LZTS3: variants seen among roughly 807,000 people sequenced by gnomAD.
The protein encoded by LZTS3 is leucine zipper tumor suppressor family member 3.
A neutral mutation model predicts 50.9 loss-of-function variants in LZTS3; 16 were observed. That is an observed-to-expected ratio of 0.31 (90% confidence interval 0.21 to 0.48). The LOEUF is 0.48. LZTS3 is among the 20% of genes least tolerant of loss of function. The pLI is 0.99. For synonymous variants in LZTS3, 408 were observed against 410.6 expected (o/e 0.99, Z 0.08); for missense variants, 816 against 931.0 (o/e 0.88, Z 1.61).
Position 3,165,516 on chromosome 20 carries a change from A to C in LZTS3, c.1304T>G (p.Ile435Arg), listed in dbSNP as rs2066799718. 1 of 1,553,150 alleles carries C rather than the reference A, an allele frequency of 6.4e-7. No homozygotes were observed. The highest frequency in any genetic ancestry group is 8.7e-7 in the Non-Finnish European group (1 of 1,155,328). Residue 435 changes from isoleucine to arginine, a missense_variant, in exon 4 of 5, where the codon ATA becomes AGA. This residue lies in a region of LZTS3 where 700 missense variants were observed against 769.4 expected (regional missense o/e 0.91). Coordinates refer to ENST00000337576, the MANE Select transcript of LZTS3 (RefSeq NM_001365618.1). This position sits in a 1 kb window ranked among gnomAD's most constrained non-coding sequence, Gnocchi z 5.0. ...QKEQADFLPR[I>R]EETKWEVCQK... ...CCGCACCTCCCACTTAGTTTCCTCTATCCGGGGCAGGAAGTCGGCCTGCTC... is the reference window on the plus strand; with the variant it reads ...CCGCACCTCCCACTTAGTTTCCTCTCTCCGGGGCAGGAAGTCGGCCTGCTC...
intron 1 of LZTS3, among the ~76,000 whole-genome samples, chr20:3,169,436 A>C (rs1435448907): frequency 6.6e-6 from 1 of 152,214 alleles, no homozygotes; most frequent in African/African-American, 2.4e-5. Flanking sequence ...AGAACTGGCA[A>C]AATTTCATAC....
chr20:3,165,702 C>G lies in LZTS3; in HGVS notation c.1118G>C (p.Gly373Ala). The G allele has an allele frequency of 6.4e-7, 1 of 1,570,836 alleles. No homozygotes were observed. Among genetic ancestry groups the G allele is most frequent in the Non-Finnish European group, 8.6e-7 (1 of 1,167,012 alleles). The change falls in exon 4 of 5, where the codon GGG (glycine) becomes GCG (alanine). Residue 373 changes from glycine (G) to alanine (A), a missense_variant. This residue lies in a region of LZTS3 where 700 missense variants were observed against 769.4 expected (regional missense o/e 0.91). Coordinates refer to ENST00000337576, the MANE Select transcript of LZTS3 (RefSeq NM_001365618.1). The surrounding 1 kb of genome is among the most constrained non-coding windows in gnomAD (Gnocchi z 5.0). ...ELAELRQGCS[G>A]KLQQVARRAQ... is the part of the protein sequence containing the mutation. Reference sequence around the variant, plus strand: ...ACGTCGGGCCACCTGCTGTAGCTTCCCGCTGCAGCCCTGCCGCAGCTCGGC... The same window carrying G: ...ACGTCGGGCCACCTGCTGTAGCTTCGCGCTGCAGCCCTGCCGCAGCTCGGC...
rs754564656 is a variant in LZTS3 at position 3,165,563 on chromosome 20, G to C, written c.1257C>G (p.Asp419Glu). 6.3e-7 allele frequency: 1 copy of C among 1,591,190 alleles called. No individual in the cohort carries two copies. Among genetic ancestry groups the C allele is most frequent in the Admixed American group, 1.7e-5 (1 of 59,534 alleles). The change falls in exon 4 of 5, where the codon GAC becomes GAG. Residue 419 changes from aspartate to glutamate, a missense_variant. This residue lies in a region of LZTS3 where 700 missense variants were observed against 769.4 expected (regional missense o/e 0.91). Coordinates refer to ENST00000337576, the MANE Select transcript of LZTS3 (RefSeq NM_001365618.1). The surrounding 1 kb of genome is among the most constrained non-coding windows in gnomAD (Gnocchi z 5.0). ...GCTCCTTCTGGCAGGCGGCCACCTT[G>C]TCCTCCAGCTCTTCCCGCTGCCGCA... The part of the protein sequence containing the change: ...RLMRQREELE[D>E]KVAACQKEQA...
At position 3,165,399 on chromosome 20, in the gene LZTS3, C is replaced by A. The variant is rs1453387113; in HGVS notation, c.1323+98G>T. The A allele has an allele frequency of 1.1e-5, 14 of 1,270,634 alleles. 1 individual carries two copies. In the South Asian group the frequency reaches 1.5e-4, roughly 13 times the overall value. 78.7% of individuals were successfully genotyped at this position (1,270,634 alleles called of 1,614,324 possible). On this transcript the variant is annotated intron_variant, in intron 4 of 4. Transcript: ENST00000337576. This position sits in a 1 kb window ranked among gnomAD's most constrained non-coding sequence, Gnocchi z 5.0. ...TCCCCCCTGCTCCTTTCATCCCCCCCCCCATCCCACCGTTATGATAGTGAG... is the reference window on the plus strand; with the variant it reads ...TCCCCCCTGCTCCTTTCATCCCCCCACCCATCCCACCGTTATGATAGTGAG...
Position 3,164,357 on chromosome 20 carries a change from T to G in LZTS3, c.*97A>C. On this transcript the variant is annotated 3_prime_UTR_variant, in exon 5 of 5. Coordinates refer to ENST00000337576, the MANE Select transcript of LZTS3 (RefSeq NM_001365618.1). ...TTAGAGAACCTCTTTGGTCTGGGGT[T>G]ATGGGGTCTATGGGGAAGAGAGATG... is the stretch of plus-strand genomic sequence containing the variant. 7.6e-7 allele frequency: 1 copy of G among 1,317,930 alleles called. No homozygotes were observed. The highest frequency in any genetic ancestry group is 2.7e-5 in the East Asian group (1 of 37,132). 81.6% of individuals were successfully genotyped at this position (1,317,930 alleles called of 1,614,324 possible). A position where few individuals can be genotyped will look rare whatever the true frequency, so the allele number is the denominator to read the frequency against.
intron 1 of LZTS3, among the ~76,000 whole-genome samples, chr20:3,173,037 G>A (rs908878479): frequency 1.3e-5 from 2 of 150,858 alleles, no homozygotes; most frequent in East Asian, 2.0e-4. Context: ...GCGCACACAC[G>A]AGCTTCTGCT....
chr20:3,172,006 T>G (rs996829562), intron 1 of LZTS3, among the ~76,000 whole-genome samples: 1 of 152,152 alleles, frequency 6.6e-6, no homozygotes, highest in Admixed American at 6.5e-5. Context: ...CTAGGAACAC[T>G]TGGGGTCTCA....
At chr20:3,169,879 TAAAAAA>T (rs34415260) in intron 1 of LZTS3, among the ~76,000 whole-genome samples, 5 of 62,482 alleles carry the variant, frequency 8.0e-5, no homozygotes, top group Non-Finnish European at 5.4e-5. Flanking sequence ...ACTCTTTCCT[TAAAAAA>T]AAAAAAAAAA....
At position 3,166,934 on chromosome 20, in the gene LZTS3, C is replaced by G; in HGVS notation, c.230G>C (p.Gly77Ala). 5 of 1,609,232 alleles carry G rather than the reference C, an allele frequency of 3.1e-6. No homozygotes were observed. The highest frequency in any genetic ancestry group is 4.2e-6 in the Non-Finnish European group (5 of 1,179,734). The part of the protein sequence containing the change: ...SFPGPRGSGS[G>A]ASRERPGRYP... ...GCGGCCCGGCCTCTCCCTGCTGGCC[C>G]CACTGCCACTGCCTCGGGGGCCAGG... The change falls in exon 3 of 5, where the codon GGG becomes GCG. Residue 77 changes from glycine (G) to alanine (A), a missense_variant. Gly to Ala is a moderately conservative substitution (Grantham distance 60, BLOSUM62 0). Coordinates refer to ENST00000337576, the MANE Select transcript of LZTS3 (RefSeq NM_001365618.1).
rs2066782946 is a variant in LZTS3 at position 3,164,780 on chromosome 20, C to T, written c.1696G>A (p.Gly566Arg). The T allele has an allele frequency of 6.6e-7, 1 of 1,526,384 alleles. No homozygotes were observed. The highest frequency in any genetic ancestry group is 8.8e-7 in the Non-Finnish European group (1 of 1,139,426). The allele number at this position is 1,526,384 out of a possible 1,614,324, so 94.6% of individuals were successfully genotyped here. A position where few individuals can be genotyped will look rare whatever the true frequency, so the allele number is the denominator to read the frequency against. The change falls in exon 5 of 5, where the codon GGG (glycine) becomes AGG (arginine). Residue 566 changes from glycine to arginine, a missense_variant. Gly to Arg is a moderately radical substitution (Grantham distance 125). Around this residue, in one of 3 missense-constraint regions of LZTS3, gnomAD observed 9 missense variants for 31.2 expected, o/e 0.29. Coordinates refer to ENST00000337576, the MANE Select transcript of LZTS3 (RefSeq NM_001365618.1). Reference protein sequence around the residue: ...VSVDGEAEAGGESGTRALRRE... With the variant: ...VSVDGEAEAGRESGTRALRRE... ...CGCAGGGCCCGCGTCCCGCTCTCCC[C>T]GCCAGCCTCCGCCTCCCCGTCCACG...
At position 3,165,011 on chromosome 20, in the gene LZTS3, C is replaced by G; in HGVS notation, c.1465G>C (p.Glu489Gln). 1 of 1,558,528 alleles carries G rather than the reference C, an allele frequency of 6.4e-7. No homozygotes were observed. The highest frequency in any genetic ancestry group is 8.7e-7 in the Non-Finnish European group (1 of 1,153,618). The change falls in exon 5 of 5, where the codon GAG (glutamate) becomes CAG (glutamine). Residue 489 changes from glutamate (E) to glutamine (Q), a missense_variant. Physicochemically the swap from Glu to Gln is conservative, Grantham distance 29. This residue lies in a region of LZTS3 where 700 missense variants were observed against 769.4 expected (regional missense o/e 0.91). Coordinates refer to ENST00000337576, the MANE Select transcript of LZTS3 (RefSeq NM_001365618.1). This position sits in a 1 kb window ranked among gnomAD's most constrained non-coding sequence, Gnocchi z 5.0. ...GAGTCCCGCAGGCTGAGCAGCTGCT[C>G]CTCCTTCTCCCGCAGCGAAGCCCGG... ...EGRASLREKE[E>Q]QLLSLRDSFS...
At chr20:3,166,681 G>A (rs769104805) in intron 3 of LZTS3, 24 bp downstream of exon 3, 15 of 1,599,872 alleles carry the variant, frequency 9.4e-6, no homozygotes, top group Non-Finnish European at 1.3e-5. Flanking sequence ...AAGGCTGTGA[G>A]GGTCTCAGGC....
Position 3,164,343 on chromosome 20 carries a change from C to G in LZTS3, c.*111G>C. ...CTGGTCACAGCTGCTTAGAGAACCTCTTTGGTCTGGGGTTATGGGGTCTAT... is the reference window on the plus strand; with the variant it reads ...CTGGTCACAGCTGCTTAGAGAACCTGTTTGGTCTGGGGTTATGGGGTCTAT... On this transcript the variant is annotated 3_prime_UTR_variant, in exon 5 of 5. Transcript: ENST00000337576. 1 of 1,219,964 alleles carries G rather than the reference C, an allele frequency of 8.2e-7. No homozygotes were observed. The highest frequency in any genetic ancestry group is 1.1e-6 in the Non-Finnish European group (1 of 904,126). 75.6% of individuals were successfully genotyped at this position (1,219,964 alleles called of 1,614,324 possible). A position where few individuals can be genotyped will look rare whatever the true frequency, so the allele number is the denominator to read the frequency against.
chr20:3,171,896 T>C (rs1357563977), intron 1 of LZTS3, among the ~76,000 whole-genome samples: 2 of 152,174 alleles, frequency 1.3e-5, no homozygotes, highest in Non-Finnish European at 2.9e-5. Context: ...TGGGGCATTA[T>C]ACACAGTATT....
Position 3,167,158 on chromosome 20 carries a change from C to A in LZTS3, c.6G>T (p.Ala2=). 1 of 1,476,682 alleles carries A rather than the reference C, an allele frequency of 6.8e-7. No individual in the cohort carries two copies. Among genetic ancestry groups the A allele is most frequent in the South Asian group, 1.4e-5 (1 of 71,756 alleles). The allele number at this position is 1,476,682 out of a possible 1,614,324, so 91.5% of individuals were successfully genotyped here. A position where few individuals can be genotyped will look rare whatever the true frequency, so the allele number is the denominator to read the frequency against. The change falls in exon 3 of 5, where the codon GCG becomes GCT. Residue 2 remains alanine, a synonymous_variant. Transcript: ENST00000337576. ...CGCGCACAGGCAGCGTCTCCAGCTT[C>A]GCCATGACTAAGCCAGGGGGGCACT... M[A]KLETLPVRAD... is the part of the protein sequence containing the mutation.
chr20:3,167,220 C>T (rs2066842930), intron 2 of LZTS3, 39 bp from the exon 3 acceptor site: 1 of 1,430,896 alleles, frequency 7.0e-7, no homozygotes, highest in East Asian at 2.5e-5. Context: ...AGGTAAGACC[C>T]TACTCCTATT....
Position 3,164,794 on chromosome 20 carries a change from T to C in LZTS3, c.1682A>G (p.Glu561Gly). The C allele has an allele frequency of 6.5e-7, 1 of 1,532,268 alleles. No individual in the cohort carries two copies. The highest frequency in any genetic ancestry group is 8.8e-7 in the Non-Finnish European group (1 of 1,142,190). The allele number at this position is 1,532,268 out of a possible 1,614,324, so 94.9% of individuals were successfully genotyped here. A position where few individuals can be genotyped will look rare whatever the true frequency, so the allele number is the denominator to read the frequency against. Residue 561 changes from glutamate to glycine, a missense_variant, in exon 5 of 5, where the codon GAG becomes GGG. This residue lies in a region of LZTS3 where 700 missense variants were observed against 769.4 expected (regional missense o/e 0.91). Coordinates refer to ENST00000337576, the MANE Select transcript of LZTS3 (RefSeq NM_001365618.1). Reference protein sequence around the residue: ...AAASLVSVDGEAEAGGESGTR... With the variant: ...AAASLVSVDGGAEAGGESGTR... ...CCCGCTCTCCCCGCCAGCCTCCGCC[T>C]CCCCGTCCACGGAAACCAAGGAGGC... is the stretch of plus-strand genomic sequence containing the variant.
intron 3 of LZTS3, 32 bp from the exon 4 acceptor site, chr20:3,166,392 A>C: frequency 6.4e-7 from 1 of 1,566,814 alleles, no homozygotes; most frequent in Non-Finnish European, 8.6e-7. Flanking sequence ...GCTGGGGGTC[A>C]GGATGAGGCC....
Position 3,166,765 on chromosome 20 carries a change from CGGTGGGG to C in LZTS3, c.392_398del (p.Ala131GlyfsTer19). The C allele has an allele frequency of 6.2e-7, 1 of 1,613,898 alleles. No homozygotes were observed. Among genetic ancestry groups the C allele is most frequent in the Non-Finnish European group, 8.5e-7 (1 of 1,180,026 alleles). On this transcript the variant is annotated frameshift_variant, in exon 3 of 5. Transcript: ENST00000337576. LOFTEE classifies it high-confidence loss of function. The stretch of plus-strand genomic sequence containing the variant: ...GTGGGTGGCTGGGCTCACGATACTG[CGGTGGGG>C]CTTTGTCACTGCCACCACTGCTGCT...
Sources: allele counts gnomAD v4.1 joint callset (sites outside exome capture counted in the v4.1 genomes callset), GRCh38; gene constraint gnomAD v4.1.1; regional missense constraint gnomAD v4.1.1; non-coding constraint Gnocchi (gnomAD v3.1); transcripts MANE v1.5; gene names NCBI Gene and HGNC (gene_info 2026-07-23, HGNC 2026-07-21).